Variants in SMIM23 observed in about 807,000 individuals in gnomAD.
SMIM23 encodes CTB-78H18.1.
A neutral mutation model predicts 12.8 loss-of-function variants in SMIM23; 10 were observed. The ratio of observed to expected loss-of-function variants is 0.78; its 90% CI spans 0.48 to 1.32. SMIM23 has a LOEUF of 1.32. Among genes scored for constraint, SMIM23 ranks in the 40% most tolerant of loss-of-function variants. The pLI, the probability that SMIM23 is intolerant of heterozygous loss-of-function variation, is 0.00. For missense variants in SMIM23, 184 were observed against 198.2 expected (o/e 0.93, Z 0.43); for synonymous variants, 78 against 80.1 (o/e 0.97, Z 0.14).
At chr5:171,778,299 G>C (rs1755671837), upstream of SMIM23, among the ~76,000 whole-genome samples, 1 of 151,856 alleles carries the variant, frequency 6.6e-6, no homozygotes, top group East Asian at 1.9e-4. Context: ...AGAGGTTGAA[G>C]TGAGCTGAGA....
the SMIM23 span, chr5:171,774,804 C>T: frequency 2.8e-6 from 1 of 358,978 alleles, no homozygotes; most frequent in Non-Finnish European, 5.5e-6. Flanking sequence ...AAGACAAAAA[C>T]AAACTGGCTC....
At chr5:171,781,476 G>T (rs78152102), upstream of SMIM23, among the ~76,000 whole-genome samples, 1 of 151,920 alleles carries the variant, frequency 6.6e-6, no homozygotes, top group Admixed American at 6.6e-5. Flanking sequence ...CACCACCTCC[G>T]CAAGCCTAAC....
At chr5:171,783,388 C>T (rs11948648), upstream of SMIM23, among the ~76,000 whole-genome samples, 45,106 of 152,108 alleles carry the variant, frequency 0.3, 6,775 homozygotes, top group East Asian at 0.4. Context: ...ACTCTACTTG[C>T]TATTAAGGCT....
the SMIM23 span, among the ~76,000 whole-genome samples, chr5:171,777,317 C>T: frequency 1.3e-5 from 2 of 152,238 alleles, no homozygotes; most frequent in Non-Finnish European, 2.9e-5. Flanking sequence ...CATTACAGAG[C>T]AGCATCGCCA....
chr5:171,788,626 C>G (rs1215095215), intron 1 of SMIM23, among the ~76,000 whole-genome samples: 1 of 152,102 alleles, frequency 6.6e-6, no homozygotes, highest in Admixed American at 6.5e-5. Context: ...ACAAATCTTC[C>G]TTGGCAGTAC....
At chr5:171,778,447 T>TCACACACA (rs4041455), upstream of SMIM23, among the ~76,000 whole-genome samples, 36 of 141,646 alleles carry the variant, frequency 2.5e-4, no homozygotes, top group South Asian at 9.4e-4. Flanking sequence ...TGGGAAAATT[T>TCACACACA]CACACACACA....
chr5:171,773,252 G>C, the SMIM23 span, among the ~76,000 whole-genome samples: 4 of 152,206 alleles, frequency 2.6e-5, no homozygotes, highest in Non-Finnish European at 4.4e-5. Context: ...CAGGGAGGTG[G>C]TGGGGGCTCA....
At chr5:171,776,999 C>T in the SMIM23 span, among the ~76,000 whole-genome samples, 7 of 151,984 alleles carry the variant, frequency 4.6e-5, no homozygotes, top group East Asian at 1.9e-4. Flanking sequence ...AGACAGGCCA[C>T]GACAGAGTGC....
At chr5:171,786,095 C>A in intron 1 of SMIM23, 119 bp downstream of exon 1, 1 of 789,564 alleles carries the variant, frequency 1.3e-6, no homozygotes, top group Non-Finnish European at 2.1e-6. Flanking sequence ...TCCCTGGATC[C>A]CACTCTGATG....
At chr5:171,776,953 C>T in the SMIM23 span, among the ~76,000 whole-genome samples, 11 of 152,236 alleles carry the variant, frequency 7.2e-5, no homozygotes, top group South Asian at 1.2e-3. Flanking sequence ...GCCGTTGATT[C>T]ATTTGTCTGC....
chr5:171,776,385 G>A, the SMIM23 span, among the ~76,000 whole-genome samples: 1 of 152,166 alleles, frequency 6.6e-6, no homozygotes, highest in African/African-American at 2.4e-5. Flanking sequence ...CACGTACATC[G>A]TCACTCTTGG....
At chr5:171,786,973 C>T (rs1272391316) in intron 1 of SMIM23, among the ~76,000 whole-genome samples, 3 of 149,280 alleles carry the variant, frequency 2.0e-5, no homozygotes, top group Non-Finnish European at 4.4e-5. Context: ...CAGCATTTCC[C>T]ACCTTGATTC....
chr5:171,773,871 A>G, the SMIM23 span: 1 of 456,296 alleles, frequency 2.2e-6, no homozygotes, highest in Non-Finnish European at 4.4e-6. Context: ...AAAATTAAAC[A>G]TCTGTCTGCA....
Position 171,790,805 on chromosome 5 carries a change from A to G in SMIM23, c.236A>G (p.Tyr79Cys), listed in dbSNP as rs1330977805. The G allele has an allele frequency of 6.5e-7, 1 of 1,536,160 alleles. No individual in the cohort carries two copies. Residue 79 changes from tyrosine (Y) to cysteine (C), a missense_variant, in exon 4 of 4, where the codon TAT (tyrosine) becomes TGT (cysteine). By Grantham distance (194) the Tyr-to-Cys change is radical (BLOSUM62 -2). Transcript: ENST00000523047. Reference protein sequence around the residue: ...QNLAVPQGLEYQTNEPSEEPI... With the variant: ...QNLAVPQGLECQTNEPSEEPI... ...GTGTCTGCCTTCCAGGGGCTTGAAT[A>G]TCAGACCAACGAGCCCTCAGAAGAA...
At chr5:171,788,309 GA>G (rs1231293008) in intron 1 of SMIM23, among the ~76,000 whole-genome samples, 1 of 151,760 alleles carries the variant, frequency 6.6e-6, no homozygotes, top group African/African-American at 2.4e-5. Context: ...GACAAAATCA[GA>G]AATTAATGAA....
chr5:171,790,337 A>T, intron 2 of SMIM23, 56 bp downstream of exon 2: 1 of 1,528,390 alleles, frequency 6.5e-7, no homozygotes. Context: ...AGCTTGGTGG[A>T]GTGTTCCAAA....
the SMIM23 span, chr5:171,774,578 G>T: frequency 2.2e-6 from 1 of 455,920 alleles, no homozygotes; most frequent in Admixed American, 2.3e-5. Flanking sequence ...TAGGCCCATG[G>T]CACACTGTCC....
Position 171,790,563 on chromosome 5 carries a change from C to G in SMIM23, c.225+14C>G, listed in dbSNP as rs191047427. 6.6e-5 allele frequency: 102 copies of G among 1,536,066 alleles called. 1 individual carries two copies. The African/African-American group carries it at 1.2e-3, about 19-fold the overall frequency. On this transcript the variant is annotated intron_variant, in intron 3 of 3. Coordinates refer to ENST00000523047, the MANE Select transcript of SMIM23 (RefSeq NM_001289970.2). ...GCAGTTCCCCAGGTAACATGTCCAG[C>G]AAGGTACTGAGGTGAGGCAATCTGG... is the stretch of plus-strand genomic sequence containing the variant.
chr5:171,781,764 A>G (rs13358004), upstream of SMIM23, among the ~76,000 whole-genome samples: 10,046 of 152,236 alleles, frequency 0.066, 843 homozygotes, highest in African/African-American at 0.19. Flanking sequence ...TGGAAGTGAG[A>G]GGTGAGGCCA....
Sources: allele counts gnomAD v4.1 joint callset (sites outside exome capture counted in the v4.1 genomes callset), GRCh38; gene constraint gnomAD v4.1.1; transcripts MANE v1.5; gene names NCBI Gene and HGNC (gene_info 2026-07-23, HGNC 2026-07-21).